The following GTF2F2 variants were observed in gnomAD, a reference collection of about 807,000 sequenced individuals.
GTF2F2 encodes general transcription factor IIF subunit 2.
A neutral mutation model predicts 42.2 loss-of-function variants in GTF2F2; 23 were observed. The ratio of observed to expected loss-of-function variants is 0.55; its 90% CI spans 0.39 to 0.77. GTF2F2 has a LOEUF of 0.77. Among genes scored for constraint, GTF2F2 ranks in the 30% least tolerant of loss-of-function variants. The pLI is 0.00. For synonymous variants in GTF2F2, 105 were observed against 100.8 expected (o/e 1.04, Z -0.25); for missense variants, 261 against 287.2 (o/e 0.91, Z 0.66).
intron 1 of GTF2F2, among the ~76,000 whole-genome samples, chr13:45,127,048 A>AT (rs894390831): frequency 1.3e-5 from 2 of 151,992 alleles, no homozygotes; most frequent in Admixed American, 6.6e-5. Context: ...ATATACTGTC[A>AT]TTTTTTTCTT....
At chr13:45,280,281 G>A (rs1203077174) in intron 7 of GTF2F2, among the ~76,000 whole-genome samples, 1 of 152,182 alleles carries the variant, frequency 6.6e-6, no homozygotes, top group African/African-American at 2.4e-5. Flanking sequence ...TTAATGTGTA[G>A]CCCAAACGGG....
chr13:45,140,398 TA>T (rs1869864567), intron 2 of GTF2F2, among the ~76,000 whole-genome samples: 1 of 152,220 alleles, frequency 6.6e-6, no homozygotes, highest in Admixed American at 6.5e-5. Flanking sequence ...TCTGGCCTTT[TA>T]TTGGTCAGAA....
chr13:45,226,934 A>T (rs1050920082), intron 5 of GTF2F2, among the ~76,000 whole-genome samples: 1 of 152,148 alleles, frequency 6.6e-6, no homozygotes, highest in Non-Finnish European at 1.5e-5. Context: ...TCTACAAAAA[A>T]TTTAAAAATA....
chr13:45,228,968 C>T (rs895627603), intron 5 of GTF2F2, among the ~76,000 whole-genome samples: 4 of 152,098 alleles, frequency 2.6e-5, no homozygotes, highest in Non-Finnish European at 5.9e-5. Flanking sequence ...CCACACCCAA[C>T]CAATCCTCAT....
Position 45,281,712 on chromosome 13 carries a change from T to A in GTF2F2, c.631-1730T>A, listed in dbSNP as rs190102640. Among the ~76,000 whole-genome samples the A allele has an allele frequency of 1.4e-3, 213 of 152,382 alleles. 4 individuals carry two copies. The highest frequency in any genetic ancestry group is 1.0e-4 in the Non-Finnish European group (7 of 68,030). On this transcript the variant is annotated intron_variant, in intron 7 of 7. Transcript: ENST00000340473. ...CTAGCACCATGCTAGAGAAAAGCAC[T>A]ACCTTAAATATACAGACAAGAGCTT...
At chr13:45,237,902 C>A (rs984791295) in intron 5 of GTF2F2, among the ~76,000 whole-genome samples, 7 of 152,160 alleles carry the variant, frequency 4.6e-5, no homozygotes, top group African/African-American at 7.2e-5. Context: ...GGAACCATAT[C>A]AAATTATTTA....
At chr13:45,152,595 G>A (rs1254873538) in intron 4 of GTF2F2, among the ~76,000 whole-genome samples, 1 of 152,156 alleles carries the variant, frequency 6.6e-6, no homozygotes, top group Non-Finnish European at 1.5e-5. Flanking sequence ...TACCAAGAGG[G>A]CCTTTTTATT....
intron 5 of GTF2F2, among the ~76,000 whole-genome samples, chr13:45,232,703 G>T (rs1265088985): frequency 6.6e-6 from 1 of 152,148 alleles, no homozygotes; most frequent in African/African-American, 2.4e-5. Context: ...TGTAATTTCT[G>T]TTAGGTCAGC....
chr13:45,273,253 T>C (rs1252439666), intron 7 of GTF2F2, among the ~76,000 whole-genome samples: 1 of 151,862 alleles, frequency 6.6e-6, no homozygotes, highest in Non-Finnish European at 1.5e-5. Context: ...TTAAAATTTT[T>C]TTTGTGGAGA....
intron 5 of GTF2F2, among the ~76,000 whole-genome samples, chr13:45,238,051 A>G (rs1279605422): frequency 2.0e-5 from 3 of 152,216 alleles, no homozygotes; most frequent in African/African-American, 4.8e-5. Flanking sequence ...CTTCCCAGGT[A>G]CAAGCCATTC....
chr13:45,250,032 T>G (rs1875809765), intron 5 of GTF2F2, among the ~76,000 whole-genome samples: 1 of 150,350 alleles, frequency 6.7e-6, no homozygotes, highest in Non-Finnish European at 1.5e-5. Flanking sequence ...CATTTCCACC[T>G]AATCTTTTTG....
chr13:45,178,811 G>A (rs1038853830), intron 4 of GTF2F2, among the ~76,000 whole-genome samples: 3 of 152,048 alleles, frequency 2.0e-5, no homozygotes, highest in Non-Finnish European at 4.4e-5. Context: ...CTGTGAGTTG[G>A]CTGGATTAAG....
intron 7 of GTF2F2, among the ~76,000 whole-genome samples, chr13:45,270,459 C>T (rs1319352453): frequency 6.6e-6 from 1 of 152,138 alleles, no homozygotes; most frequent in East Asian, 1.9e-4. Flanking sequence ...TTTTACATCG[C>T]TTAGTGAGGA....
At chr13:45,282,897 A>G (rs1297667386) in intron 7 of GTF2F2, among the ~76,000 whole-genome samples, 1 of 152,234 alleles carries the variant, frequency 6.6e-6, no homozygotes, top group Non-Finnish European at 1.5e-5. Flanking sequence ...CTTCTCACAT[A>G]GGAAAAAATA....
intron 1 of GTF2F2, among the ~76,000 whole-genome samples, chr13:45,131,168 A>T (rs1191710328): frequency 6.6e-6 from 1 of 151,722 alleles, no homozygotes; most frequent in Admixed American, 6.6e-5. Context: ...AGATCGCGCC[A>T]TTGCACTCCA....
intron 5 of GTF2F2, among the ~76,000 whole-genome samples, chr13:45,252,004 G>C (rs377761805): frequency 2.6e-5 from 4 of 152,158 alleles, no homozygotes; most frequent in African/African-American, 9.7e-5. Flanking sequence ...TTCTAAATAA[G>C]TAAATGATTA....
chr13:45,153,013 T>A (rs1870571817), intron 4 of GTF2F2, among the ~76,000 whole-genome samples: 1 of 85,990 alleles, frequency 1.2e-5, no homozygotes, highest in Non-Finnish European at 2.5e-5. Flanking sequence ...CCTCGTAAAT[T>A]TTTTTTTTTT....
intron 1 of GTF2F2, among the ~76,000 whole-genome samples, chr13:45,124,448 G>A (rs1164006882): frequency 2.0e-5 from 3 of 151,270 alleles, no homozygotes; most frequent in Admixed American, 6.6e-5. Flanking sequence ...TGTAATCGCA[G>A]CACTTTGGGA....
intron 4 of GTF2F2, among the ~76,000 whole-genome samples, chr13:45,190,986 T>G (rs777162155): frequency 2.6e-5 from 4 of 151,502 alleles, no homozygotes; most frequent in Non-Finnish European, 5.9e-5. Context: ...AACATCATCT[T>G]CAGTCTGGCA....
Sources: allele counts gnomAD v4.1 joint callset (sites outside exome capture counted in the v4.1 genomes callset), GRCh38; gene constraint gnomAD v4.1.1; transcripts MANE v1.5; gene names NCBI Gene and HGNC (gene_info 2026-07-23, HGNC 2026-07-21).